Variants in PIGX observed in about 807,000 individuals in gnomAD.
The protein encoded by PIGX is GPI alpha-1,4-mannosyltransferase I, stabilizing subunit.
In PIGX, 24 loss-of-function variants were observed where a neutral mutation model predicts 28.7. The observed-to-expected ratio is 0.84, with a 90% CI of 0.60 to 1.17. PIGX has a LOEUF of 1.17. PIGX is among the 50% of genes most tolerant of loss of function. The probability of loss-of-function intolerance (pLI) is 0.00; values close to 1 mark genes in which losing one functional copy is unlikely to be tolerated. For missense variants in PIGX, 305 were observed against 317.8 expected, an observed-to-expected ratio of 0.96 and a Z score of 0.31; for synonymous variants, 127 against 121.0, an observed-to-expected ratio of 1.05 and a Z score of -0.33.
Position 196,731,092 on chromosome 3 carries a change from A to G in PIGX, c.633A>G (p.Ser211=), listed in dbSNP as rs1349173051. 6.6e-7 allele frequency: 1 copy of G among 1,523,818 alleles called. No individual in the cohort carries two copies. Among genetic ancestry groups the G allele is most frequent in the Admixed American group, 1.7e-5 (1 of 59,714 alleles). The allele number at this position is 1,523,818 out of a possible 1,614,324, so 94.4% of individuals were successfully genotyped here. A position where few individuals can be genotyped will look rare whatever the true frequency, so the allele number is the denominator to read the frequency against. ...AATGGAACAAGATGAAGTATAAATC[A>G]GTAAGCTAATGTTTTATGTTGTTTT... The change falls in exon 5 of 6, where the codon TCA becomes TCG. Residue 211 remains serine, a splice_region_variant and synonymous_variant. Transcript: ENST00000392391.
At chr3:196,730,397 TAA>T (rs1712699568) in intron 4 of PIGX, among the ~76,000 whole-genome samples, 1 of 152,092 alleles carries the variant, frequency 6.6e-6, no homozygotes, top group South Asian at 2.1e-4. Context: ...GCTTCAAAAA[TAA>T]GTTTACATTA....
intron 1 of PIGX, among the ~76,000 whole-genome samples, chr3:196,715,077 AAAAT>A (rs746150606): frequency 2.1e-4 from 32 of 152,260 alleles, no homozygotes; most frequent in African/African-American, 6.5e-4. Context: ...TCCGTCTCAA[AAAAT>A]AAATAAATAA....
At chr3:196,723,316 G>A (rs1188232349) in intron 3 of PIGX, among the ~76,000 whole-genome samples, 2 of 152,090 alleles carry the variant, frequency 1.3e-5, no homozygotes, top group South Asian at 2.1e-4. Context: ...ACTCCAGCCT[G>A]GGTGACAGAA....
intron 1 of PIGX, among the ~76,000 whole-genome samples, chr3:196,715,001 G>A (rs139682426): frequency 0.014 from 2,111 of 152,234 alleles, 39 homozygotes; most frequent in African/African-American, 0.048. Context: ...GCTTGAACCT[G>A]GGAGGCAGAG....
intron 4 of PIGX, chr3:196,728,572 A>G (rs1712617951): frequency 7.3e-6 from 5 of 680,726 alleles, no homozygotes; most frequent in East Asian, 2.5e-5. Flanking sequence ...GTTTCTCTCT[A>G]TCCCTTTCCT....
intron 2 of PIGX, among the ~76,000 whole-genome samples, chr3:196,719,547 A>G (rs1016842627): frequency 1.3e-5 from 2 of 152,224 alleles, no homozygotes; most frequent in Non-Finnish European, 2.9e-5. Context: ...TAGGGTTTAC[A>G]ACCTGCAATC....
In PIGX at chr3:196,727,826, A is replaced by C. The variant is rs1334776687; in HGVS notation, c.319-97A>C. On this transcript the variant is annotated intron_variant, in intron 3 of 5. Transcript: ENST00000392391. ...TGCTTATAAAAGGGGCAAATTTGACACTGCTGTGTATCTGTATATAGTCTT... is the reference window on the plus strand; with the variant it reads ...TGCTTATAAAAGGGGCAAATTTGACCCTGCTGTGTATCTGTATATAGTCTT... The C allele has an allele frequency of 5.5e-6, 4 of 725,892 alleles. No homozygotes were observed. The African/African-American group carries it at 7.2e-5, about 13-fold the overall frequency. The allele number at this position is 725,892 out of a possible 1,614,324, so 45.0% of individuals were successfully genotyped here.
rs1712906562 is a variant in PIGX at position 196,733,663 on chromosome 3, T to C, written c.634-96T>C. Reference sequence around the variant, plus strand: ...CCTGACCTCAAGCGATCTGCCCGCCTTGGCCTCCCGAAGTGCTGGGATTAC... The same window carrying C: ...CCTGACCTCAAGCGATCTGCCCGCCCTGGCCTCCCGAAGTGCTGGGATTAC... On this transcript the variant is annotated intron_variant, in intron 5 of 5. Transcript: ENST00000392391. The surrounding 1 kb of genome is among the most constrained non-coding windows in gnomAD (Gnocchi z 4.3). 1 of 861,728 alleles carries C rather than the reference T, an allele frequency of 1.2e-6. No individual in the cohort carries two copies. Among genetic ancestry groups the C allele is most frequent in the African/African-American group, 1.7e-5 (1 of 60,236 alleles). The allele number at this position is 861,728 out of a possible 1,614,324, so 53.4% of individuals were successfully genotyped here. A position where few individuals can be genotyped will look rare whatever the true frequency, so the allele number is the denominator to read the frequency against.
At chr3:196,721,627 G>C (rs1712326660) in intron 2 of PIGX, among the ~76,000 whole-genome samples, 1 of 151,518 alleles carries the variant, frequency 6.6e-6, no homozygotes, top group South Asian at 2.1e-4. Context: ...TAGAGACAGG[G>C]GTCTCTCCAT....
intron 3 of PIGX, among the ~76,000 whole-genome samples, chr3:196,722,898 T>A (rs1482312862): frequency 6.6e-6 from 1 of 152,204 alleles, no homozygotes. Flanking sequence ...CTGGGTAAGT[T>A]TGATATGTGA....
intron 1 of PIGX, among the ~76,000 whole-genome samples, chr3:196,714,618 C>T (rs184259641): frequency 1.2e-4 from 19 of 152,236 alleles, no homozygotes; most frequent in Non-Finnish European, 2.4e-4. Context: ...CACACCACGA[C>T]GCCCGGCTAA....
chr3:196,718,306 T>G lies in PIGX; in HGVS notation c.176+1385T>G, dbSNP rs34771873. Among the ~76,000 whole-genome samples the G allele has an allele frequency of 4.8e-3, 728 of 151,326 alleles. 2 individuals carry two copies. The highest frequency in any genetic ancestry group is 8.2e-3 in the Non-Finnish European group (557 of 67,866). On this transcript the variant is annotated intron_variant, in intron 2 of 5. Transcript: ENST00000392391. ...GCCTGGCAACAGAGCGAGGCAAAAC[T>G]CCGTCTGAAGAAAAAAAAAAGGGGG...
intron 5 of PIGX, among the ~76,000 whole-genome samples, chr3:196,732,270 T>A (rs1157018745): frequency 7.6e-5 from 5 of 65,614 alleles, no homozygotes; most frequent in African/African-American, 2.7e-4. Context: ...TATTTTATTT[T>A]ATTTTTTTTT....
rs752823631 is a variant in PIGX, at chr3:196,716,893, C to T, written c.148C>T (p.Gln50Ter). Residue 50 changes from glutamine to a stop codon, truncating the protein, a stop_gained, in exon 2 of 6, where the codon CAA becomes TAA. Transcript: ENST00000392391. LOFTEE classifies it high-confidence loss of function. Reference sequence around the variant, plus strand: ...CATGTGTTCTGAAATTATTTTGAGGCAAGAAGTTTTGAAAGATGGTTTCCA... The same window carrying T: ...CATGTGTTCTGAAATTATTTTGAGGTAAGAAGTTTTGAAAGATGGTTTCCA... 1 of 1,606,574 alleles carries T rather than the reference C, an allele frequency of 6.2e-7. No homozygotes were observed. The highest frequency in any genetic ancestry group is 1.1e-5 in the South Asian group (1 of 90,850).
intron 2 of PIGX, among the ~76,000 whole-genome samples, chr3:196,717,279 C>A (rs2108676705): frequency 8.9e-6 from 1 of 112,916 alleles, no homozygotes; most frequent in East Asian, 3.2e-4. Flanking sequence ...CCAGCCTGGG[C>A]AACAGAGTGA....
intron 2 of PIGX, among the ~76,000 whole-genome samples, chr3:196,719,042 G>A (rs1239770783): frequency 6.6e-6 from 1 of 151,314 alleles, no homozygotes; most frequent in Non-Finnish European, 1.5e-5. Flanking sequence ...TACTTTTATC[G>A]TCTTTATCTT....
Position 196,734,194 on chromosome 3 carries a change from A to C in PIGX, c.*292A>C, listed in dbSNP as rs1418942193. ...TATCTTCATTTGGGGTAGAAAAATT[A>C]TTTCTTTATGTAGTAGAGACAAATT... On this transcript the variant is annotated 3_prime_UTR_variant, in exon 6 of 6. Coordinates refer to ENST00000392391, the MANE Select transcript of PIGX (RefSeq NM_017861.4). 1 of 283,462 alleles carries C rather than the reference A, an allele frequency of 3.5e-6. No homozygotes were observed. Among genetic ancestry groups the C allele is most frequent in the Non-Finnish European group, 6.6e-6 (1 of 151,948 alleles). The allele number at this position is 283,462 out of a possible 1,614,324, so 17.6% of individuals were successfully genotyped here.
intron 2 of PIGX, among the ~76,000 whole-genome samples, chr3:196,721,986 AG>A (rs1712344018): frequency 1.3e-5 from 2 of 152,286 alleles, no homozygotes; most frequent in East Asian, 3.9e-4. Flanking sequence ...TCCTGAGCTC[AG>A]GCAGTCCACC....
rs1187932018 is a variant in PIGX, at chr3:196,735,137, A to T, written c.*1235A>T. 2 of 151,900 alleles carry T rather than the reference A, an allele frequency of 1.3e-5. No individual in the cohort carries two copies. The highest frequency in any genetic ancestry group is 2.4e-5 in the African/African-American group (1 of 41,300). 9.4% of individuals were successfully genotyped at this position (151,900 alleles called of 1,614,324 possible). A position where few individuals can be genotyped will look rare whatever the true frequency, so the allele number is the denominator to read the frequency against. ...GTGAAACCCCATCTCTACTAAAAATACAAAAAAATGAGCCGGGTATGGTGG... is the reference window on the plus strand; with the variant it reads ...GTGAAACCCCATCTCTACTAAAAATTCAAAAAAATGAGCCGGGTATGGTGG... On this transcript the variant is annotated 3_prime_UTR_variant, in exon 6 of 6. Transcript: ENST00000392391.
Sources: gnomAD v4.1 joint callset for allele counts (sites outside exome capture counted in the v4.1 genomes callset) on GRCh38, gnomAD v4.1.1 for gene constraint, Gnocchi (gnomAD v3.1) non-coding constraint, MANE v1.5 for transcripts, NCBI Gene and HGNC (gene_info 2026-07-23, HGNC 2026-07-21) for gene names.